PTPRM: variants seen among roughly 807,000 people sequenced by gnomAD.
PTPRM encodes receptor-type tyrosine-protein phosphatase mu.
PTPRM carries 47 observed loss-of-function variants against 186.7 expected under a neutral mutation model. That is an observed-to-expected ratio of 0.25 (90% CI 0.20 to 0.32). The LOEUF is 0.32. PTPRM is among the 10% of genes least tolerant of loss of function. PTPRM has a pLI of 1.00. For synonymous variants in PTPRM, 668 were observed against 674.9 expected (o/e 0.99, Z 0.16); for missense variants, 1,494 against 1,865.0 (o/e 0.80, Z 3.66).
chr18:7,567,839 C>T lies in PTPRM; in HGVS notation c.21C>T (p.Cys7=). Residue 7 remains cysteine, a synonymous_variant, in exon 1 of 33, where the codon TGC becomes TGT. Coordinates refer to ENST00000580170, the MANE Select transcript of PTPRM (RefSeq NM_001105244.2). The surrounding 1 kb of genome is among the most constrained non-coding windows in gnomAD (Gnocchi z 4.3). MRGLGT[C]LATLAGLLLT... ...GCACCATGAGGGGACTTGGGACTTGCCTGGCGACTTTGGCCGGACTTTTGC... is the reference window on the plus strand; with the variant it reads ...GCACCATGAGGGGACTTGGGACTTGTCTGGCGACTTTGGCCGGACTTTTGC... The T allele has an allele frequency of 3.2e-6, 5 of 1,563,942 alleles. No homozygotes were observed. The highest frequency in any genetic ancestry group is 4.3e-6 in the Non-Finnish European group (5 of 1,158,702).
intron 11 of PTPRM, among the ~76,000 whole-genome samples, chr18:8,091,216 G>C (rs72909817): frequency 6.6e-6 from 1 of 152,032 alleles, no homozygotes; most frequent in Admixed American, 6.6e-5. Flanking sequence ...TCATCACTTT[G>C]TATTGCCTCA....
At chr18:7,650,527 A>G (rs1236211123) in intron 1 of PTPRM, among the ~76,000 whole-genome samples, 1 of 148,940 alleles carries the variant, frequency 6.7e-6, no homozygotes, top group Admixed American at 6.7e-5. Flanking sequence ...TAGTTTACAA[A>G]TATTTAAATT....
intron 14 of PTPRM, among the ~76,000 whole-genome samples, chr18:8,225,414 A>T (rs1215460615): frequency 6.6e-6 from 1 of 152,106 alleles, no homozygotes; most frequent in East Asian, 1.9e-4. Flanking sequence ...ACATAACCCC[A>T]AAACTTTGGA....
At chr18:8,371,892 T>G (rs907100786) in intron 24 of PTPRM, 1 of 152,132 alleles carries the variant, frequency 6.6e-6, no homozygotes, top group African/African-American at 2.4e-5. Context: ...TATCCAGAGT[T>G]GATTCTCCAT....
chr18:8,125,996 TATATATATATATATATATATATATATATA>T (rs1376612459), intron 13 of PTPRM, among the ~76,000 whole-genome samples: 3 of 13,244 alleles, frequency 2.3e-4, no homozygotes, highest in African/African-American at 4.1e-4. Flanking sequence ...TATATATATA[TATATATATATATATATATATATATATATA>T]TATTTTAAAT....
chr18:8,069,978 G>T lies in PTPRM; in HGVS notation c.1425G>T (p.Val475=), dbSNP rs770517367. ...GGAAGGAAAGCCAAGAACTCATAGT[G>T]CAGACAGATGAAGACCGTGAGTACC... The part of the protein sequence containing the change: ...EGRKESQELI[V]QTDEDLPGAV... Residue 475 remains valine, a synonymous_variant, in exon 8 of 33, where the codon GTG becomes GTT. Transcript: ENST00000580170. 1 of 1,613,292 alleles carries T rather than the reference G, an allele frequency of 6.2e-7. No homozygotes were observed. The highest frequency in any genetic ancestry group is 1.3e-5 in the African/African-American group (1 of 75,008).
chr18:7,766,011 T>C (rs2041999289), intron 1 of PTPRM, among the ~76,000 whole-genome samples: 1 of 152,220 alleles, frequency 6.6e-6, no homozygotes, highest in Non-Finnish European at 1.5e-5. Context: ...AAATTAACAT[T>C]TGATTGTCCT....
intron 14 of PTPRM, among the ~76,000 whole-genome samples, chr18:8,170,634 A>G (rs2093386280): frequency 6.6e-6 from 1 of 152,176 alleles, no homozygotes; most frequent in Admixed American, 6.5e-5. Flanking sequence ...GTTAAGACTC[A>G]TGGCCTGGGG....
At chr18:7,927,733 A>G (rs2051259220) in intron 5 of PTPRM, among the ~76,000 whole-genome samples, 1 of 152,086 alleles carries the variant, frequency 6.6e-6, no homozygotes, top group African/African-American at 2.4e-5. Flanking sequence ...ACTGCAATGT[A>G]AATCTGTAGT....
At chr18:8,385,562 T>C (rs2095766868) in intron 30 of PTPRM, among the ~76,000 whole-genome samples, 1 of 152,026 alleles carries the variant, frequency 6.6e-6, no homozygotes, top group Non-Finnish European at 1.5e-5. Flanking sequence ...GGGCCTTGCA[T>C]GTGAGTGCCA....
At chr18:7,742,949 G>A (rs997403398) in intron 1 of PTPRM, among the ~76,000 whole-genome samples, 9 of 152,192 alleles carry the variant, frequency 5.9e-5, no homozygotes, top group African/African-American at 1.9e-4. Flanking sequence ...TTAGTTAGGT[G>A]CTACATGTGC....
intron 2 of PTPRM, among the ~76,000 whole-genome samples, chr18:7,882,131 C>G (rs543138811): frequency 6.6e-6 from 1 of 152,074 alleles, no homozygotes; most frequent in African/African-American, 2.4e-5. Context: ...TGGTCCCTGA[C>G]CAGTACAGAA....
In PTPRM at chr18:8,069,891, C is replaced by T; in HGVS notation, c.1338C>T (p.Ile446=). 1 of 1,613,792 alleles carries T rather than the reference C, an allele frequency of 6.2e-7. No individual in the cohort carries two copies. The highest frequency in any genetic ancestry group is 8.5e-7 in the Non-Finnish European group (1 of 1,179,734). The change falls in exon 8 of 33, where the codon ATC becomes ATT. Residue 446 remains isoleucine (I), a synonymous_variant. Coordinates refer to ENST00000580170, the MANE Select transcript of PTPRM (RefSeq NM_001105244.2). ...AAAACTCACACCCTCAACACACGATCACTAACCTGTCACCATACACCAATG... is the reference window on the plus strand; with the variant it reads ...AAAACTCACACCCTCAACACACGATTACTAACCTGTCACCATACACCAATG... ...DTENSHPQHT[I]TNLSPYTNVS...
intron 7 of PTPRM, among the ~76,000 whole-genome samples, chr18:7,975,371 G>A (rs1455689995): frequency 6.6e-6 from 1 of 152,148 alleles, no homozygotes; most frequent in Non-Finnish European, 1.5e-5. Context: ...GCAACCTAGA[G>A]GTCAGTAGAT....
intron 7 of PTPRM, among the ~76,000 whole-genome samples, chr18:8,025,303 T>G (rs9963467): frequency 0.022 from 3,277 of 152,222 alleles, 104 homozygotes; most frequent in African/African-American, 0.075. Context: ...ACCATACATT[T>G]TGAAGATGAG....
intron 14 of PTPRM, among the ~76,000 whole-genome samples, chr18:8,192,155 T>G (rs557918013): frequency 6.6e-6 from 1 of 152,284 alleles, no homozygotes; most frequent in South Asian, 2.1e-4. Context: ...GCAGATACTT[T>G]GTTTAAAAGT....
chr18:7,705,395 CTT>C (rs1315538144), intron 1 of PTPRM, among the ~76,000 whole-genome samples: 1 of 149,158 alleles, frequency 6.7e-6, no homozygotes, highest in Non-Finnish European at 1.5e-5. Context: ...CTGCCTCTCT[CTT>C]TCTTTCTCTT....
chr18:7,895,785 C>T (rs1289597606), intron 3 of PTPRM, among the ~76,000 whole-genome samples: 1 of 152,196 alleles, frequency 6.6e-6, no homozygotes, highest in Non-Finnish European at 1.5e-5. Context: ...ACACAAGTGT[C>T]CTGTGTACTT....
At chr18:7,778,343 C>A (rs757838054) in intron 2 of PTPRM, among the ~76,000 whole-genome samples, 1 of 152,134 alleles carries the variant, frequency 6.6e-6, no homozygotes, top group Admixed American at 6.5e-5. Flanking sequence ...AGCTCTGAGT[C>A]ATCACGGTTT....
Sources: gnomAD v4.1 joint callset for allele counts (sites outside exome capture counted in the v4.1 genomes callset) on GRCh38, gnomAD v4.1.1 for gene constraint, Gnocchi (gnomAD v3.1) non-coding constraint, MANE v1.5 for transcripts, NCBI Gene and HGNC (gene_info 2026-07-23, HGNC 2026-07-21) for gene names.